Variants in RANBP2 observed in about 807,000 individuals in gnomAD.
RANBP2 encodes the protein E3 SUMO-protein ligase RanBP2.
A neutral mutation model predicts 303.6 loss-of-function variants in RANBP2; 57 were observed. The observed-to-expected ratio is 0.19, with a 90% CI of 0.15 to 0.23. RANBP2 has a LOEUF of 0.23. Among genes scored for constraint, RANBP2 ranks in the 10% least tolerant of loss-of-function variants. The probability of loss-of-function intolerance (pLI) is 1.00; values close to 1 mark genes in which losing one functional copy is unlikely to be tolerated. For synonymous variants in RANBP2, 1,167 were observed against 1,301.5 expected, an observed-to-expected ratio of 0.90 and a Z score of 2.23; for missense variants, 3,138 against 3,780.8, an observed-to-expected ratio of 0.83 and a Z score of 4.46.
At chr2:109,501,515 G>A in the RANBP2 span, 2 of 778,292 alleles carry the variant, frequency 2.6e-6, no homozygotes, top group Non-Finnish European at 2.4e-6. Context: ...ACCGCGTGGT[G>A]GTCTCGTACC....
At chr2:109,299,106 A>G in the RANBP2 span, among the ~76,000 whole-genome samples, 1 of 152,084 alleles carries the variant, frequency 6.6e-6, no homozygotes, top group Non-Finnish European at 1.5e-5. Context: ...CCCCCAGGGC[A>G]TTTGCAGATG....
chr2:108,874,498 A>G, the RANBP2 span, among the ~76,000 whole-genome samples: 1 of 152,188 alleles, frequency 6.6e-6, no homozygotes, highest in Non-Finnish European at 1.5e-5. Context: ...ACTCATTTGT[A>G]TAACAGTAAC....
chr2:108,830,215 T>TTA, the RANBP2 span, among the ~76,000 whole-genome samples: 1 of 152,080 alleles, frequency 6.6e-6, no homozygotes, highest in Non-Finnish European at 1.5e-5. Context: ...ATAGTCAAAT[T>TTA]TATAGAGACA....
chr2:109,213,142 G>A, the RANBP2 span, among the ~76,000 whole-genome samples: 4 of 152,198 alleles, frequency 2.6e-5, no homozygotes, highest in Non-Finnish European at 5.9e-5. Flanking sequence ...TGAACACCCA[G>A]TTTTTAAACT....
At chr2:109,593,825 G>A in the RANBP2 span, among the ~76,000 whole-genome samples, 1 of 152,166 alleles carries the variant, frequency 6.6e-6, no homozygotes, top group Non-Finnish European at 1.5e-5. Flanking sequence ...GGTGGGGAAA[G>A]CAGGGATTTT....
the RANBP2 span, chr2:109,504,104 CATG>C: frequency 6.6e-6 from 1 of 152,250 alleles, no homozygotes; most frequent in African/African-American, 2.4e-5. Flanking sequence ...CTGCAGCCTT[CATG>C]ATGATGTAGC....
chr2:109,664,880 A>C, the RANBP2 span, among the ~76,000 whole-genome samples: 1 of 152,042 alleles, frequency 6.6e-6, no homozygotes, highest in African/African-American at 2.4e-5. Flanking sequence ...TAGTAAGCCA[A>C]GATCACGCTA....
At chr2:109,678,789 G>A in the RANBP2 span, among the ~76,000 whole-genome samples, 107 of 152,254 alleles carry the variant, frequency 7.0e-4, no homozygotes, top group African/African-American at 2.6e-3. Context: ...TGCACGAGTG[G>A]CTGAAGAAGA....
the RANBP2 span, among the ~76,000 whole-genome samples, chr2:109,581,818 T>C: frequency 4.6e-5 from 7 of 152,194 alleles, no homozygotes; most frequent in East Asian, 1.3e-3. Context: ...TTGAAAGTCC[T>C]GGCCAGAGAA....
chr2:109,543,982 G>A, the RANBP2 span: 3 of 631,142 alleles, frequency 4.8e-6, no homozygotes, highest in Admixed American at 6.4e-5. Context: ...AACAAAATCT[G>A]TTTAAACTGA....
the RANBP2 span, among the ~76,000 whole-genome samples, chr2:109,032,160 C>A: frequency 1.3e-5 from 2 of 152,134 alleles, no homozygotes; most frequent in Non-Finnish European, 2.9e-5. Context: ...CCCACCTTCC[C>A]CCTGTTTTGT....
chr2:109,501,729 G>T, the RANBP2 span: 4 of 701,668 alleles, frequency 5.7e-6, no homozygotes, highest in South Asian at 6.0e-5. Context: ...GAAGCTCCAC[G>T]GCACACAGAG....
the RANBP2 span, among the ~76,000 whole-genome samples, chr2:109,175,201 G>A: frequency 3.3e-5 from 5 of 152,176 alleles, no homozygotes; most frequent in Non-Finnish European, 7.3e-5. Context: ...AGTCAGTGGT[G>A]ACGTCAGTTT....
At chr2:108,950,704 T>TA in the RANBP2 span, among the ~76,000 whole-genome samples, 1 of 152,190 alleles carries the variant, frequency 6.6e-6, no homozygotes, top group Non-Finnish European at 1.5e-5. Context: ...CTGCCCTTGC[T>TA]CCCTTCATGA....
the RANBP2 span, among the ~76,000 whole-genome samples, chr2:109,107,422 G>C: frequency 6.6e-6 from 1 of 152,172 alleles, no homozygotes; most frequent in East Asian, 1.9e-4. Context: ...CCCCTGGGGG[G>C]CTTCTGAACG....
the RANBP2 span, among the ~76,000 whole-genome samples, chr2:109,163,610 G>A: frequency 3.0e-4 from 45 of 151,354 alleles, no homozygotes; most frequent in South Asian, 5.0e-3. Flanking sequence ...CGTTTTAGCC[G>A]GGATGGTCTC....
intron 1 of RANBP2, among the ~76,000 whole-genome samples, chr2:108,728,653 A>C (rs954829627): frequency 3.4e-4 from 52 of 151,464 alleles, no homozygotes; most frequent in African/African-American, 1.0e-3. Context: ...TGGGAGATGG[A>C]GTCTCGCTCT....
the RANBP2 span, among the ~76,000 whole-genome samples, chr2:109,582,436 C>T: frequency 2.0e-5 from 3 of 152,134 alleles, no homozygotes; most frequent in Admixed American, 6.6e-5. Context: ...AGTCCCACTT[C>T]AGCCTCCCGA....
chr2:109,017,666 G>A, the RANBP2 span, among the ~76,000 whole-genome samples: 1 of 152,058 alleles, frequency 6.6e-6, no homozygotes, highest in Non-Finnish European at 1.5e-5. Flanking sequence ...TTATTTTGAT[G>A]GGCAGAGCTC....
Sources: allele counts gnomAD v4.1 joint callset (sites outside exome capture counted in the v4.1 genomes callset), GRCh38; gene constraint gnomAD v4.1.1; transcripts MANE v1.5; gene names NCBI Gene and HGNC (gene_info 2026-07-23, HGNC 2026-07-21).